DCAF8L2: variants seen among roughly 807,000 people sequenced by gnomAD.
The protein encoded by DCAF8L2 is DDB1- and CUL4-associated factor 8-like protein 2.
For synonymous variants in DCAF8L2, 200 were observed against 190.9 expected (o/e 1.05, Z -0.39); for missense variants, 430 against 490.7 (o/e 0.88, Z 1.17).
chrX:27,497,549 C>CTTCCTTCTTTCTTTCTTTCT, the DCAF8L2 span, among the ~76,000 whole-genome samples: 3 of 64,432 alleles, frequency 4.7e-5, no homozygotes, highest in African/African-American at 2.6e-4. Context: ...TCCTTCCTTC[C>CTTCCTTCTTTCTTTCTTTCT]TTCTTTCTTT....
chrX:27,637,980 T>C (rs1928568244), intron 2 of DCAF8L2, among the ~76,000 whole-genome samples: 1 of 111,382 alleles, frequency 9.0e-6, no homozygotes, highest in Admixed American at 9.6e-5. Context: ...CAAGATTTAT[T>C]GGGAAAAAAA....
intron 4 of DCAF8L2, among the ~76,000 whole-genome samples, chrX:27,726,174 A>G (rs1932064162): frequency 9.0e-6 from 1 of 111,382 alleles, no homozygotes; most frequent in Non-Finnish European, 1.9e-5. Context: ...CATAATAAAT[A>G]TTCTCAGTGG....
At chrX:27,663,898 TG>T (rs1278320770) in intron 2 of DCAF8L2, among the ~76,000 whole-genome samples, 1 of 89,888 alleles carries the variant, frequency 1.1e-5, no homozygotes, top group Non-Finnish European at 2.1e-5. Context: ...TAAGTAGAGA[TG>T]GGGTTTCACC....
At chrX:27,547,878 T>TCTCA in the DCAF8L2 span, among the ~76,000 whole-genome samples, 2 of 67,940 alleles carry the variant, frequency 2.9e-5, no homozygotes, top group Non-Finnish European at 5.8e-5. Flanking sequence ...TCTTTCTCTC[T>TCTCA]CTCTCTCTCT....
At chrX:27,743,974 A>C (rs1331221878) in intron 4 of DCAF8L2, among the ~76,000 whole-genome samples, 1 of 109,103 alleles carries the variant, frequency 9.2e-6, no homozygotes, top group Non-Finnish European at 1.9e-5. Flanking sequence ...CTCAAATGAT[A>C]TGCCCACCTC....
At position 27,640,372 on chromosome X, in the gene DCAF8L2, G is replaced by T. The variant is rs777480709; in HGVS notation, c.-220+8372G>T. On this transcript the variant is annotated intron_variant, in intron 2 of 4. Transcript: ENST00000451261. ...TACAGTGTGTAGATTTGGGAGTCTG[G>T]CTTCTTTCACTTACTAACATACATT... Among the ~76,000 whole-genome samples the T allele has an allele frequency of 3.6e-5, 4 of 110,145 alleles. No homozygotes were observed. In the South Asian group the frequency reaches 1.5e-3, roughly 42 times the overall value.
chrX:27,493,708 AAAAAAAAAAAAAAAAG>A, the DCAF8L2 span, among the ~76,000 whole-genome samples: 7 of 50,370 alleles, frequency 1.4e-4, no homozygotes, highest in Non-Finnish European at 9.3e-5. Context: ...CTCCATCTCA[AAAAAAAAAAAAAAAAG>A]AAAAAAAAAA....
At chrX:27,738,230 G>A (rs759655902) in intron 4 of DCAF8L2, among the ~76,000 whole-genome samples, 1 of 111,714 alleles carries the variant, frequency 9.0e-6, no homozygotes, top group South Asian at 3.7e-4. Flanking sequence ...AGAAAATTGA[G>A]TCACATCTTA....
the DCAF8L2 span, among the ~76,000 whole-genome samples, chrX:27,473,155 G>C: frequency 9.8e-5 from 11 of 111,980 alleles, no homozygotes; most frequent in African/African-American, 3.2e-4. Flanking sequence ...CACTTCTAAT[G>C]CATAGGAAGA....
the DCAF8L2 span, among the ~76,000 whole-genome samples, chrX:27,539,119 G>C: frequency 8.9e-6 from 1 of 111,857 alleles, no homozygotes; most frequent in East Asian, 2.8e-4. Context: ...AAAGTACTAG[G>C]ATTACAGGCA....
At chrX:27,594,031 C>A (rs1414649910) in intron 1 of DCAF8L2, among the ~76,000 whole-genome samples, 1 of 111,585 alleles carries the variant, frequency 9.0e-6, no homozygotes, top group Admixed American at 9.5e-5. Flanking sequence ...CTTGAAATGT[C>A]AAAATATAAG....
intron 2 of DCAF8L2, among the ~76,000 whole-genome samples, chrX:27,656,453 CTAAT>C (rs1929355696): frequency 8.9e-6 from 1 of 111,911 alleles, no homozygotes; most frequent in Non-Finnish European, 1.9e-5. Context: ...AATAGCTAAT[CTAAT>C]TGATTGTATA....
At chrX:27,660,357 A>C (rs1929512591) in intron 2 of DCAF8L2, among the ~76,000 whole-genome samples, 1 of 111,620 alleles carries the variant, frequency 9.0e-6, no homozygotes, top group African/African-American at 3.3e-5. Flanking sequence ...ATCTGGTTTA[A>C]CAGTTGCTTC....
In DCAF8L2 at chrX:27,749,733, A is replaced by G. The variant is rs1183198444; in HGVS notation, c.*942A>G. ...GAAAACGCATTCTAATTAACTTTTA[A>G]GAACAAGTTGCAATAAAGATTGTTT... On this transcript the variant is annotated 3_prime_UTR_variant, in exon 5 of 5. Coordinates refer to ENST00000451261, the MANE Select transcript of DCAF8L2 (RefSeq NM_001353450.2). Among the ~76,000 whole-genome samples the G allele has an allele frequency of 8.9e-6, 1 of 112,273 alleles. No homozygotes were observed. The highest frequency in any genetic ancestry group is 1.9e-5 in the Non-Finnish European group (1 of 53,278).
intron 1 of DCAF8L2, among the ~76,000 whole-genome samples, chrX:27,620,571 C>G (rs1453476637): frequency 8.9e-6 from 1 of 111,760 alleles, no homozygotes; most frequent in Non-Finnish European, 1.9e-5. Context: ...AAACAATGCT[C>G]AACATCACAA....
intron 2 of DCAF8L2, among the ~76,000 whole-genome samples, chrX:27,635,830 T>TGTGA (rs1272411393): frequency 1.0e-5 from 1 of 98,738 alleles, no homozygotes; most frequent in African/African-American, 3.7e-5. Flanking sequence ...TGTGTGTGTG[T>TGTGA]GATGGAGTTT....
At chrX:27,720,213 T>A (rs1307786139) in intron 4 of DCAF8L2, among the ~76,000 whole-genome samples, 1 of 111,604 alleles carries the variant, frequency 9.0e-6, no homozygotes, top group Non-Finnish European at 1.9e-5. Context: ...GGTCTATTTC[T>A]GGAATCTTGA....
At chrX:27,609,012 A>G (rs1454831945) in intron 1 of DCAF8L2, among the ~76,000 whole-genome samples, 5 of 111,229 alleles carry the variant, frequency 4.5e-5, no homozygotes, top group African/African-American at 1.6e-4. Flanking sequence ...CAAAAGTTAT[A>G]ATTATGCCTC....
the DCAF8L2 span, among the ~76,000 whole-genome samples, chrX:27,476,121 A>G: frequency 9.0e-6 from 1 of 110,983 alleles, no homozygotes; most frequent in African/African-American, 3.3e-5. Flanking sequence ...AAAGGGGACA[A>G]GAGGAGAAAG....
Sources: gnomAD v4.1 joint callset for allele counts (sites outside exome capture counted in the v4.1 genomes callset) on GRCh38, gnomAD v4.1.1 for gene constraint, MANE v1.5 for transcripts, NCBI Gene and HGNC (gene_info 2026-07-23, HGNC 2026-07-21) for gene names.